EPS8L1: variants seen among roughly 807,000 people sequenced by gnomAD.
EPS8L1 encodes the protein EPS8 signaling adaptor L1.
A neutral mutation model predicts 91.7 loss-of-function variants in EPS8L1; 101 were observed. That is an observed-to-expected ratio of 1.10 (90% CI 0.94 to 1.30). EPS8L1 has a LOEUF of 1.30. EPS8L1 is among the 50% of genes most tolerant of loss of function. EPS8L1 has a pLI of 0.00. For synonymous variants in EPS8L1, 506 were observed against 445.3 expected, an observed-to-expected ratio of 1.14 and a Z score of -1.72; for missense variants, 1,114 against 1,017.0, an observed-to-expected ratio of 1.10 and a Z score of -1.30.
intron 14 of EPS8L1, chr19:55,084,565 A>C (rs2147160917): frequency 2.6e-5 from 4 of 152,376 alleles, no homozygotes; most frequent in Middle Eastern, 6.8e-3. Flanking sequence ...GGGTCTCAGC[A>C]GGGACAGCGT....
At position 55,087,795 on chromosome 19, in the gene EPS8L1, G is replaced by C; in HGVS notation, c.*181G>C. Reference sequence around the variant, plus strand: ...CTGCAGTCCCTCCGGAGAGGATCTGGACTGGCTGGGAGTGGGGAGGGCGTG... The same window carrying C: ...CTGCAGTCCCTCCGGAGAGGATCTGCACTGGCTGGGAGTGGGGAGGGCGTG... On this transcript the variant is annotated 3_prime_UTR_variant, in exon 20 of 20. Transcript: ENST00000201647. The C allele has an allele frequency of 1.5e-6, 1 of 677,916 alleles. No homozygotes were observed. Among genetic ancestry groups the C allele is most frequent in the Non-Finnish European group, 2.6e-6 (1 of 391,894 alleles). 42.0% of individuals were successfully genotyped at this position (677,916 alleles called of 1,614,324 possible). A position where few individuals can be genotyped will look rare whatever the true frequency, so the allele number is the denominator to read the frequency against.
Position 55,078,138 on chromosome 19 carries a change from G to A in EPS8L1, c.58+10G>A. 1 of 1,613,026 alleles carries A rather than the reference G, an allele frequency of 6.2e-7. No homozygotes were observed. Among genetic ancestry groups the A allele is most frequent in the Non-Finnish European group, 8.5e-7 (1 of 1,179,558 alleles). Reference sequence around the variant, plus strand: ...GCCAAGTCTATCTATGGTGAGCGGGGGGCAAGGGAGCCCCAGGCCCATAGA... The same window carrying A: ...GCCAAGTCTATCTATGGTGAGCGGGAGGCAAGGGAGCCCCAGGCCCATAGA... On this transcript the variant is annotated intron_variant, in intron 3 of 19. Transcript: ENST00000201647.
chr19:55,083,323 G>A lies in EPS8L1; in HGVS notation c.1215-55G>A, dbSNP rs201180648. ...AACTTAGTGAAGTTAATGCAGGAAC[G>A]AAGTTGGGGGCTGTATCAGGATCCC... On this transcript the variant is annotated intron_variant, in intron 12 of 19. Coordinates refer to ENST00000201647, the MANE Select transcript of EPS8L1 (RefSeq NM_133180.3). The surrounding 1 kb of genome is among the most constrained non-coding windows in gnomAD (Gnocchi z 4.7). 1,247 of 1,582,766 alleles carry A rather than the reference G, an allele frequency of 7.9e-4. 2 individuals are homozygous for A. The highest frequency in any genetic ancestry group is 9.7e-4 in the Non-Finnish European group (1,123 of 1,162,338).
Position 55,086,177 on chromosome 19 carries a change from C to A in EPS8L1, c.1635C>A (p.Ser545Arg). Residue 545 changes from serine to arginine, a missense_variant, in exon 16 of 20, where the codon AGC (serine) becomes AGA (arginine). Coordinates refer to ENST00000201647, the MANE Select transcript of EPS8L1 (RefSeq NM_133180.3). ...YPGPRLHHSQ[S>R]PARSLNSTPP... Reference sequence around the variant, plus strand: ...GACCCCGGCTGCACCACAGCCAAAGCCCTGCCCGCAGCCTGGTGAGCCAGC... The same window carrying A: ...GACCCCGGCTGCACCACAGCCAAAGACCTGCCCGCAGCCTGGTGAGCCAGC... 6.3e-7 allele frequency: 1 copy of A among 1,598,916 alleles called. No individual in the cohort carries two copies. Among genetic ancestry groups the A allele is most frequent in the South Asian group, 1.1e-5 (1 of 88,234 alleles).
At position 55,081,982 on chromosome 19, in the gene EPS8L1, G is replaced by T. The variant is rs772988979; in HGVS notation, c.901+83G>T. On this transcript the variant is annotated intron_variant, in intron 9 of 19. Coordinates refer to ENST00000201647, the MANE Select transcript of EPS8L1 (RefSeq NM_133180.3). This position sits in a 1 kb window ranked among gnomAD's most constrained non-coding sequence, Gnocchi z 4.9. ...CGCTCTCCCCAGGCTCTCCCCTCCCGCCACTTGCCAGGGCTGACCTCACCG... is the reference window on the plus strand; with the variant it reads ...CGCTCTCCCCAGGCTCTCCCCTCCCTCCACTTGCCAGGGCTGACCTCACCG... The T allele has an allele frequency of 1.3e-5, 20 of 1,555,430 alleles. No individual in the cohort carries two copies. The highest frequency in any genetic ancestry group is 3.9e-5 in the Admixed American group (2 of 51,698).
In EPS8L1 at chr19:55,083,647, G is replaced by A. The variant is rs745407980; in HGVS notation, c.1385+3G>A. 3.1e-6 allele frequency: 5 copies of A among 1,593,832 alleles called. No homozygotes were observed. The African/African-American group carries it at 5.4e-5, about 17-fold the overall frequency. ...GCCCCCCAGGTCGCTGTCAATGGGT[G>A]AGTGTCCGCCCCAGGGCAGGGCAAG... On this transcript the variant is annotated splice_donor_region_variant and intron_variant, in intron 14 of 19. Transcript: ENST00000201647. The surrounding 1 kb of genome is among the most constrained non-coding windows in gnomAD (Gnocchi z 4.7).
In EPS8L1 at chr19:55,080,734, C is replaced by A; in HGVS notation, c.430-38C>A. On this transcript the variant is annotated intron_variant, in intron 6 of 19. Transcript: ENST00000201647. ...GCGAGGCCCGGGTAGGAAGTGGGTG[C>A]GGCGTGGGGAGGCGTGGCCTGACGG... 1.9e-6 allele frequency: 3 copies of A among 1,599,212 alleles called. No homozygotes were observed. The South Asian group carries it at 3.4e-5, about 18-fold the overall frequency.
chr19:55,083,970 T>C lies in EPS8L1; in HGVS notation c.1385+326T>C. ...CCCAAAAGGCTGGAAGAAGCCAGTTTGTTTTCCCAGGGCCTGGGAAGCACC... is the reference window on the plus strand; with the variant it reads ...CCCAAAAGGCTGGAAGAAGCCAGTTCGTTTTCCCAGGGCCTGGGAAGCACC... On this transcript the variant is annotated intron_variant, in intron 14 of 19. Coordinates refer to ENST00000201647, the MANE Select transcript of EPS8L1 (RefSeq NM_133180.3). The surrounding 1 kb of genome is among the most constrained non-coding windows in gnomAD (Gnocchi z 4.7). 2 of 579,194 alleles carry C rather than the reference T, an allele frequency of 3.5e-6. No individual in the cohort carries two copies. Among genetic ancestry groups the C allele is most frequent in the South Asian group, 2.0e-5 (1 of 49,846 alleles). 35.9% of individuals were successfully genotyped at this position (579,194 alleles called of 1,614,324 possible). A position where few individuals can be genotyped will look rare whatever the true frequency, so the allele number is the denominator to read the frequency against.
At position 55,076,553 on chromosome 19, in the gene EPS8L1, G is replaced by C. The variant is rs569145060; in HGVS notation, c.17+92G>C. On this transcript the variant is annotated intron_variant, in intron 2 of 19. Coordinates refer to ENST00000201647, the MANE Select transcript of EPS8L1 (RefSeq NM_133180.3). The stretch of plus-strand genomic sequence containing the variant: ...ACACCCGCTTGCGGCAGCCCAGACT[G>C]TTTGCGGCGGCCCAGACTCTGGCCC... The C allele has an allele frequency of 6.3e-6, 9 of 1,438,858 alleles. No homozygotes were observed. In the African/African-American group the frequency reaches 1.3e-4, roughly 20 times the overall value. 89.1% of individuals were successfully genotyped at this position (1,438,858 alleles called of 1,614,324 possible). A position where few individuals can be genotyped will look rare whatever the true frequency, so the allele number is the denominator to read the frequency against.
rs2076368134 is a variant in EPS8L1, at chr19:55,087,687, C to G, written c.*73C>G. On this transcript the variant is annotated 3_prime_UTR_variant, in exon 20 of 20. Transcript: ENST00000201647. ...GGACTCCTCAGACTCTCCCCAATAG[C>G]GGAAGTCGATCTTCTGAAGGATGGC... 3 of 1,496,556 alleles carry G rather than the reference C, an allele frequency of 2.0e-6. No individual in the cohort carries two copies. The highest frequency in any genetic ancestry group is 1.8e-5 in the Admixed American group (1 of 54,716). 92.7% of individuals were successfully genotyped at this position (1,496,556 alleles called of 1,614,324 possible). A position where few individuals can be genotyped will look rare whatever the true frequency, so the allele number is the denominator to read the frequency against.
Position 55,079,854 on chromosome 19 carries a change from G to GC in EPS8L1, c.279+5dup, listed in dbSNP as rs746129669. On this transcript the variant is annotated splice_donor_region_variant and intron_variant, in intron 5 of 19. Coordinates refer to ENST00000201647, the MANE Select transcript of EPS8L1 (RefSeq NM_133180.3). ...CGCTGCTCGACCCGGCCTCCAAGGT[G>GC]CCGGGGGGCACGTGGGTGGGAGGAG... 7 of 1,609,846 alleles carry GC rather than the reference G, an allele frequency of 4.3e-6. No homozygotes were observed. The Admixed American group carries it at 8.4e-5, about 19-fold the overall frequency.
rs1431348664 is a variant in EPS8L1, at chr19:55,076,392, G to A, written c.-37-16G>A. 13 of 1,607,902 alleles carry A rather than the reference G, an allele frequency of 8.1e-6. No individual in the cohort carries two copies. The highest frequency in any genetic ancestry group is 1.1e-5 in the South Asian group (1 of 90,656). On this transcript the variant is annotated splice_polypyrimidine_tract_variant and intron_variant, in intron 1 of 19. Coordinates refer to ENST00000201647, the MANE Select transcript of EPS8L1 (RefSeq NM_133180.3). ...GCTCCTACTGGCCAGGCCTTCACAT[G>A]TTTGCTGGCTCCCAGGGCACCTCCA...
rs753068596 is a variant in EPS8L1 at position 55,085,889 on chromosome 19, A to T, written c.1434A>T (p.Thr478=). 1 of 1,613,552 alleles carries T rather than the reference A, an allele frequency of 6.2e-7. No individual in the cohort carries two copies. Among genetic ancestry groups the T allele is most frequent in the Non-Finnish European group, 8.5e-7 (1 of 1,179,830 alleles). ...PESEPQLESE[T]AGKWVLCNYD... The stretch of plus-strand genomic sequence containing the variant: ...CTGAGCCTCAGCTGGAGTCAGAGAC[A>T]GCAGGAAAATGGGTCCTGTGTAATT... Residue 478 remains threonine, a synonymous_variant, in exon 15 of 20, where the codon ACA becomes ACT. Coordinates refer to ENST00000201647, the MANE Select transcript of EPS8L1 (RefSeq NM_133180.3).
rs936587709 is a variant in EPS8L1 at position 55,087,667 on chromosome 19, C to G, written c.*53C>G. ...ACGAGGCCCCGTGGGAGAACGGACT[C>G]CTCAGACTCTCCCCAATAGCGGAAG... On this transcript the variant is annotated 3_prime_UTR_variant, in exon 20 of 20. Transcript: ENST00000201647. 4 of 1,570,526 alleles carry G rather than the reference C, an allele frequency of 2.5e-6. 1 individual carries two copies. The Middle Eastern group carries it at 5.0e-4, about 196-fold the overall frequency.
intron 4 of EPS8L1, 21 bp downstream of exon 4, chr19:55,079,078 C>A (rs373292160): frequency 1.9e-6 from 3 of 1,613,218 alleles, no homozygotes; most frequent in Non-Finnish European, 2.5e-6. Flanking sequence ...GGTCTGTGTT[C>A]CCCCAGGACA....
At chr19:55,087,043 GC>G (rs2076360316) in intron 18 of EPS8L1, 155 bp downstream of exon 18, 2 of 1,117,104 alleles carry the variant, frequency 1.8e-6, no homozygotes, top group East Asian at 5.6e-5. Flanking sequence ...ACACCCAATG[GC>G]AGGCTGTGAT....
In EPS8L1 at chr19:55,082,307, C is replaced by T. The variant is rs754403889; in HGVS notation, c.1023C>T (p.Ser341=). Residue 341 remains serine (S), a synonymous_variant, in exon 11 of 20, where the codon TCC becomes TCT. Coordinates refer to ENST00000201647, the MANE Select transcript of EPS8L1 (RefSeq NM_133180.3). ...ARLRGNIADP[S]SPELLHFLFG... ...TGCGCGGCAACATCGCCGACCCCTCCTCTCCGGAGCTGTTGCACTTCCTTT... is the reference window on the plus strand; with the variant it reads ...TGCGCGGCAACATCGCCGACCCCTCTTCTCCGGAGCTGTTGCACTTCCTTT... 19 of 1,612,610 alleles carry T rather than the reference C, an allele frequency of 1.2e-5. No homozygotes were observed. The highest frequency in any genetic ancestry group is 1.3e-5 in the African/African-American group (1 of 74,940).
chr19:55,086,653 C>CCCG, intron 17 of EPS8L1, 61 bp from the exon 18 acceptor site: 1 of 1,445,542 alleles, frequency 6.9e-7, no homozygotes, highest in Non-Finnish European at 9.5e-7. Context: ...GCCCCGCCCT[C>CCCG]TGGCCCCAGG....
At chr19:55,086,545 G>T (rs950677513) in intron 17 of EPS8L1, 27 bp downstream of exon 17, 8 of 1,549,850 alleles carry the variant, frequency 5.2e-6, no homozygotes, top group Middle Eastern at 1.7e-4. Flanking sequence ...CCGGCTGCGG[G>T]GAGCGGTCCT....
Sources: allele counts gnomAD v4.1 joint callset, GRCh38; gene constraint gnomAD v4.1.1; non-coding constraint Gnocchi (gnomAD v3.1); transcripts MANE v1.5; gene names NCBI Gene and HGNC (gene_info 2026-07-23, HGNC 2026-07-21).